Variants in RHOT1 observed in about 807,000 individuals in gnomAD.
The protein encoded by RHOT1 is mitochondrial Rho GTPase 1.
Under a neutral mutation model 95.3 loss-of-function variants are expected in RHOT1, and 27 were observed. The observed-to-expected ratio is 0.28, with a 90% CI of 0.21 to 0.39. The LOEUF (loss-of-function observed/expected upper bound fraction) is 0.39. Ranked by LOEUF, RHOT1 falls within the 10% of genes least tolerant of loss-of-function variation. The pLI, the probability that RHOT1 is intolerant of heterozygous loss-of-function variation, is 1.00. For missense variants in RHOT1, 578 were observed against 786.7 expected, an observed-to-expected ratio of 0.73 and a Z score of 3.17; for synonymous variants, 227 against 263.5, an observed-to-expected ratio of 0.86 and a Z score of 1.34.
At chr17:32,216,188 G>A (rs866732827) in intron 19 of RHOT1, among the ~76,000 whole-genome samples, 20 of 151,968 alleles carry the variant, frequency 1.3e-4, no homozygotes, top group Non-Finnish European at 4.4e-5. Flanking sequence ...GTAGTGTATC[G>A]TGAACTTTAA....
intron 1 of RHOT1, among the ~76,000 whole-genome samples, chr17:32,144,961 T>C (rs2031078379): frequency 6.7e-6 from 1 of 149,360 alleles, no homozygotes; most frequent in African/African-American, 2.5e-5. Context: ...CCACTGCACT[T>C]CAGCCCAGGT....
At chr17:32,218,573 C>G (rs534813974) in intron 19 of RHOT1, among the ~76,000 whole-genome samples, 1 of 150,600 alleles carries the variant, frequency 6.6e-6, no homozygotes, top group Non-Finnish European at 1.5e-5. Context: ...TTTTGGAGAT[C>G]GAGACAGTAG....
intron 1 of RHOT1, among the ~76,000 whole-genome samples, chr17:32,163,504 G>T (rs527866967): frequency 3.3e-5 from 5 of 151,988 alleles, no homozygotes; most frequent in Non-Finnish European, 5.9e-5. Context: ...AGGCCAAGGT[G>T]GGCAGATCAC....
At chr17:32,153,247 G>A (rs981223910) in intron 1 of RHOT1, among the ~76,000 whole-genome samples, 4 of 152,312 alleles carry the variant, frequency 2.6e-5, no homozygotes, top group Admixed American at 2.6e-4. Flanking sequence ...AGGGTCTTAA[G>A]CATATTAAGG....
intron 7 of RHOT1, 100 bp downstream of exon 7, chr17:32,182,965 G>A: frequency 1.2e-6 from 1 of 854,512 alleles, no homozygotes. Flanking sequence ...TAAATTTCCT[G>A]CTATTTGTGA....
intron 7 of RHOT1, 69 bp downstream of exon 7, chr17:32,182,934 G>A: frequency 1.0e-6 from 1 of 994,048 alleles, no homozygotes; most frequent in Non-Finnish European, 1.5e-6. Context: ...TTTTAAATAG[G>A]GGGGACAATG....
chr17:32,198,675 C>G (rs1465509451), intron 11 of RHOT1, among the ~76,000 whole-genome samples: 1 of 152,136 alleles, frequency 6.6e-6, no homozygotes, highest in East Asian at 1.9e-4. Flanking sequence ...TGCCACTGCA[C>G]TGTAGCCCGG....
chr17:32,167,642 A>G (rs564497851), intron 1 of RHOT1, among the ~76,000 whole-genome samples: 1 of 152,248 alleles, frequency 6.6e-6, no homozygotes. Flanking sequence ...AGCAACCTGC[A>G]TTAGCCCCTA....
At chr17:32,211,286 A>G (rs762113837) in intron 19 of RHOT1, 48 bp downstream of exon 19, 4 of 1,518,182 alleles carry the variant, frequency 2.6e-6, no homozygotes, top group South Asian at 1.3e-5. Flanking sequence ...TAAAATACAA[A>G]AGAAAAAAGC....
Position 32,175,323 on chromosome 17 carries a change from A to G in RHOT1, c.183A>G (p.Ala61=). 6.2e-7 allele frequency: 1 copy of G among 1,613,594 alleles called. No homozygotes were observed. Among genetic ancestry groups the G allele is most frequent in the Non-Finnish European group, 8.5e-7 (1 of 1,179,544 alleles). ...VPTHIVDYSE[A]EQSDEQLHQE... is the part of the protein sequence containing the mutation. ...TTGACTTCCTGTCATTTGTAGAAGCAGAACAGAGTGATGAACAACTTCATC... is the reference window on the plus strand; with the variant it reads ...TTGACTTCCTGTCATTTGTAGAAGCGGAACAGAGTGATGAACAACTTCATC... The change falls in exon 4 of 20, where the codon GCA becomes GCG. Residue 61 remains alanine, a synonymous_variant. Transcript: ENST00000545287.
intron 17 of RHOT1, 89 bp from the exon 18 acceptor site, chr17:32,208,018 C>A: frequency 8.5e-7 from 1 of 1,172,778 alleles, no homozygotes; most frequent in South Asian, 1.4e-5. Flanking sequence ...GTTGCTTTGC[C>A]CATCTGGAGG....
At chr17:32,174,420 G>T (rs2034831683) in intron 3 of RHOT1, among the ~76,000 whole-genome samples, 1 of 152,164 alleles carries the variant, frequency 6.6e-6, no homozygotes, top group Non-Finnish European at 1.5e-5. Context: ...GGACAGCACT[G>T]TACTGAAAGC....
At chr17:32,187,951 A>G (rs906987711) in intron 8 of RHOT1, among the ~76,000 whole-genome samples, 1 of 152,258 alleles carries the variant, frequency 6.6e-6, no homozygotes, top group Non-Finnish European at 1.5e-5. Flanking sequence ...TTATCATTTC[A>G]TAAAAATAAA....
At chr17:32,194,233 A>T (rs1054188347) in intron 11 of RHOT1, 126 bp downstream of exon 11, 2 of 900,998 alleles carry the variant, frequency 2.2e-6, no homozygotes, top group Non-Finnish European at 3.5e-6. Context: ...GGCCTCCCAA[A>T]TTGCTGTGAT....
At chr17:32,149,047 G>A (rs2031815770) in intron 1 of RHOT1, among the ~76,000 whole-genome samples, 1 of 152,082 alleles carries the variant, frequency 6.6e-6, no homozygotes. Flanking sequence ...CTGTCCTTGT[G>A]GATAATTGTG....
chr17:32,163,988 C>A (rs2033811373), intron 1 of RHOT1, among the ~76,000 whole-genome samples: 1 of 151,800 alleles, frequency 6.6e-6, no homozygotes, highest in African/African-American at 2.4e-5. Context: ...AACCCTGTCT[C>A]TAATAAAAAT....
chr17:32,211,918 A>G (rs2038161073), intron 19 of RHOT1, among the ~76,000 whole-genome samples: 1 of 152,206 alleles, frequency 6.6e-6, no homozygotes, highest in Admixed American at 6.5e-5. Context: ...AAAGAGAAAA[A>G]AAAAGGATGC....
chr17:32,154,209 G>A (rs183318307), intron 1 of RHOT1, among the ~76,000 whole-genome samples: 3 of 151,068 alleles, frequency 2.0e-5, no homozygotes, highest in African/African-American at 7.3e-5. Flanking sequence ...GAGAGGCCAA[G>A]GCAAGAGACT....
chr17:32,150,637 AAAG>A, intron 1 of RHOT1: 9 of 1,592,390 alleles, frequency 5.7e-6, no homozygotes. Context: ...CAGACAGTGG[AAAG>A]AAGAGCTGGA....
Sources: gnomAD v4.1 joint callset for allele counts (sites outside exome capture counted in the v4.1 genomes callset) on GRCh38, gnomAD v4.1.1 for gene constraint, MANE v1.5 for transcripts, NCBI Gene and HGNC (gene_info 2026-07-23, HGNC 2026-07-21) for gene names.